The following INPP4B variants were observed in gnomAD, a reference collection of about 807,000 sequenced individuals.
INPP4B encodes inositol polyphosphate 4-phosphatase type II.
A neutral mutation model predicts 122.5 loss-of-function variants in INPP4B; 55 were observed. The ratio of observed to expected loss-of-function variants is 0.45; its 90% confidence interval spans 0.36 to 0.56. INPP4B has a LOEUF of 0.56. INPP4B is among the 20% of genes least tolerant of loss of function. INPP4B has a pLI of 0.00. For missense variants in INPP4B, 1,000 were observed against 1,097.7 expected (o/e 0.91, Z 1.26); for synonymous variants, 403 against 388.7 (o/e 1.04, Z -0.43).
chr4:142,697,836 A>G (rs772202316), intron 2 of INPP4B, among the ~76,000 whole-genome samples: 3 of 152,200 alleles, frequency 2.0e-5, no homozygotes, highest in Non-Finnish European at 4.4e-5. Flanking sequence ...TTTCTAGGCC[A>G]TGACTTACTT....
At chr4:142,323,605 C>T (rs547182321) in intron 7 of INPP4B, among the ~76,000 whole-genome samples, 1 of 152,136 alleles carries the variant, frequency 6.6e-6, no homozygotes, top group East Asian at 1.9e-4. Context: ...GCCACCACGC[C>T]TGGCTAATTT....
chr4:142,249,798 G>A (rs1731039416), intron 11 of INPP4B, among the ~76,000 whole-genome samples: 1 of 152,152 alleles, frequency 6.6e-6, no homozygotes, highest in African/African-American at 2.4e-5. Context: ...TCGCTGTGCT[G>A]CAAACAAGGT....
intron 25 of INPP4B, among the ~76,000 whole-genome samples, chr4:142,051,137 C>A (rs1754370115): frequency 6.6e-6 from 1 of 151,858 alleles, no homozygotes; most frequent in African/African-American, 2.4e-5. Flanking sequence ...ATATAGGTTT[C>A]TCTCTTCTCC....
intron 12 of INPP4B, among the ~76,000 whole-genome samples, chr4:142,228,085 T>C (rs1852409932): frequency 6.6e-6 from 1 of 151,940 alleles, no homozygotes. Context: ...TCAAGGTTTG[T>C]GTATGTGATC....
At chr4:142,463,207 T>G (rs372011839) in intron 2 of INPP4B, among the ~76,000 whole-genome samples, 3 of 152,350 alleles carry the variant, frequency 2.0e-5, no homozygotes, top group African/African-American at 7.2e-5. Flanking sequence ...CATGAGGCCT[T>G]AGGCTATGCT....
intron 2 of INPP4B, among the ~76,000 whole-genome samples, chr4:142,660,180 C>A (rs548913779): frequency 5.7e-4 from 87 of 152,250 alleles, no homozygotes; most frequent in African/African-American, 2.0e-3. Flanking sequence ...TCTCTAGCCA[C>A]CCCCTCCCCA....
intron 12 of INPP4B, among the ~76,000 whole-genome samples, chr4:142,218,649 C>T (rs892665477): frequency 5.9e-5 from 9 of 151,882 alleles, no homozygotes; most frequent in African/African-American, 1.7e-4. Flanking sequence ...TCTATAATAC[C>T]ATTTTAAAAA....
chr4:142,204,092 A>T (rs2149476368), intron 14 of INPP4B, among the ~76,000 whole-genome samples: 1 of 152,108 alleles, frequency 6.6e-6, no homozygotes, highest in South Asian at 2.1e-4. Flanking sequence ...ATAAAATGAC[A>T]CTCAGAGAGG....
intron 10 of INPP4B, among the ~76,000 whole-genome samples, chr4:142,265,053 T>A (rs561462971): frequency 6.6e-6 from 1 of 151,814 alleles, no homozygotes; most frequent in South Asian, 2.1e-4. Flanking sequence ...TCTGAGAAGG[T>A]AGCAAGAAGG....
At chr4:142,556,650 T>C (rs1729251112) in intron 2 of INPP4B, among the ~76,000 whole-genome samples, 1 of 152,120 alleles carries the variant, frequency 6.6e-6, no homozygotes, top group Admixed American at 6.6e-5. Context: ...CCTTGGATGT[T>C]AACCTTGAGA....
intron 2 of INPP4B, among the ~76,000 whole-genome samples, chr4:142,651,936 A>G (rs1753053523): frequency 6.6e-6 from 1 of 152,198 alleles, no homozygotes; most frequent in Non-Finnish European, 1.5e-5. Context: ...ATTTTAGACC[A>G]ATACCGCTGA....
intron 8 of INPP4B, among the ~76,000 whole-genome samples, chr4:142,312,273 A>G (rs2151291204): frequency 6.6e-6 from 1 of 152,294 alleles, no homozygotes; most frequent in South Asian, 2.1e-4. Flanking sequence ...GCCACAATAT[A>G]TCCAGTTAAT....
At chr4:142,645,403 C>T (rs1751526668) in intron 2 of INPP4B, among the ~76,000 whole-genome samples, 1 of 152,146 alleles carries the variant, frequency 6.6e-6, no homozygotes, top group Non-Finnish European at 1.5e-5. Context: ...ATCCATTCTT[C>T]CTTTTTCTTT....
chr4:142,365,809 C>T (rs1427592819), intron 7 of INPP4B, among the ~76,000 whole-genome samples: 1 of 151,922 alleles, frequency 6.6e-6, no homozygotes, highest in Non-Finnish European at 1.5e-5. Context: ...TCAAAATAAC[C>T]AATTTTTTTC....
chr4:142,114,615 G>A (rs1792033951), intron 21 of INPP4B, among the ~76,000 whole-genome samples: 1 of 151,838 alleles, frequency 6.6e-6, no homozygotes, highest in African/African-American at 2.4e-5. Context: ...TTAGGTTTTT[G>A]GTGTCATTAT....
intron 15 of INPP4B, among the ~76,000 whole-genome samples, chr4:142,174,392 T>TC (rs772991701): frequency 2.2e-4 from 34 of 152,018 alleles, no homozygotes; most frequent in Non-Finnish European, 4.0e-4. Flanking sequence ...ACCTAACATT[T>TC]CCCCCCATGT....
At chr4:142,481,130 T>C (rs1350521431) in intron 2 of INPP4B, among the ~76,000 whole-genome samples, 1 of 114,198 alleles carries the variant, frequency 8.8e-6, no homozygotes, top group African/African-American at 3.6e-5. Flanking sequence ...CGAGACTCTG[T>C]CTCAAAAAAA....
chr4:142,496,160 T>G (rs1312634853), intron 2 of INPP4B, among the ~76,000 whole-genome samples: 1 of 152,144 alleles, frequency 6.6e-6, no homozygotes, highest in Non-Finnish European at 1.5e-5. Context: ...CTGTTTTTAA[T>G]TTTTTATAAG....
chr4:142,335,711 T>C (rs191806416), intron 7 of INPP4B, among the ~76,000 whole-genome samples: 1 of 152,344 alleles, frequency 6.6e-6, no homozygotes, highest in African/African-American at 2.4e-5. Context: ...AGTTAACTTT[T>C]AGTCAGTTGA....
Sources: allele counts gnomAD v4.1 joint callset (sites outside exome capture counted in the v4.1 genomes callset), GRCh38; gene constraint gnomAD v4.1.1; transcripts MANE v1.5; gene names NCBI Gene and HGNC (gene_info 2026-07-23, HGNC 2026-07-21).